The following COLEC12 variants were observed in gnomAD, a reference collection of about 807,000 sequenced individuals.
COLEC12 encodes the protein collectin-12.
In COLEC12, 33 loss-of-function variants were observed where a neutral mutation model predicts 71.1. The observed-to-expected ratio is 0.46, with a 90% confidence interval of 0.35 to 0.62. The LOEUF is 0.62. Among genes scored for constraint, COLEC12 ranks in the 20% least tolerant of loss-of-function variants. COLEC12 has a pLI of 0.00. For synonymous variants in COLEC12, 350 were observed against 353.0 expected (o/e 0.99, Z 0.10); for missense variants, 765 against 916.1 (o/e 0.84, Z 2.13).
chr18:492,832 G>A (rs12607627), intron 1 of COLEC12, among the ~76,000 whole-genome samples: 46,015 of 152,012 alleles, frequency 0.3, 7,500 homozygotes, highest in East Asian at 0.43. Context: ...TTGGACCAAC[G>A]TTTTGAGTTT....
chr18:351,860 AGTAGAGATGGG>A (rs1240516225), intron 3 of COLEC12, among the ~76,000 whole-genome samples: 2 of 152,214 alleles, frequency 1.3e-5, no homozygotes, highest in Non-Finnish European at 2.9e-5. Context: ...TTGTATTTTT[AGTAGAGATGGG>A]GTTTCTCTAT....
rs377608850 is a variant in COLEC12, at chr18:380,917, T to C, written c.59-23395A>G. Among the ~76,000 whole-genome samples, 6 of 152,288 alleles carry C rather than the reference T, an allele frequency of 3.9e-5. No homozygotes were observed. In the East Asian group the frequency reaches 9.6e-4, roughly 24 times the overall value. The stretch of plus-strand genomic sequence containing the variant: ...AGGGTCTTGTGTGGAGCCTCCCACA[T>C]GGTTCTCTTCCAGTTCCCTAGGCAA... On this transcript the variant is annotated intron_variant, in intron 2 of 9. Coordinates refer to ENST00000400256, the MANE Select transcript of COLEC12 (RefSeq NM_130386.3).
chr18:379,723 T>C lies in COLEC12; in HGVS notation c.59-22201A>G, dbSNP rs115276757. 8.0e-3 allele frequency among the ~76,000 whole-genome samples: 1,213 copies of C among 152,266 alleles called. 18 individuals are homozygous for C. Among genetic ancestry groups the C allele is most frequent in the African/African-American group, 0.027 (1,132 of 41,536 alleles). ...TCCCACAGGGGCTTGCAAATCTTCA[T>C]GCATGATGGTTCGGTCGAGAAAGCC... On this transcript the variant is annotated intron_variant, in intron 2 of 9. Transcript: ENST00000400256.
chr18:380,218 C>T (rs1915200884), intron 2 of COLEC12, among the ~76,000 whole-genome samples: 1 of 152,172 alleles, frequency 6.6e-6, no homozygotes. Context: ...TTCCGCATTC[C>T]TCAGTGCAGC....
chr18:322,479 T>C (rs546165367), intron 8 of COLEC12, among the ~76,000 whole-genome samples: 1 of 152,300 alleles, frequency 6.6e-6, no homozygotes, highest in South Asian at 2.1e-4. Flanking sequence ...AAACAAGTTT[T>C]CTTTAGGATG....
intron 2 of COLEC12, among the ~76,000 whole-genome samples, chr18:462,649 C>T (rs1302358341): frequency 3.9e-5 from 6 of 152,144 alleles, no homozygotes; most frequent in Non-Finnish European, 8.8e-5. Context: ...AACTGGTACA[C>T]CTTAAATGGG....
intron 2 of COLEC12, among the ~76,000 whole-genome samples, chr18:420,083 C>T (rs1033961504): frequency 2.0e-5 from 3 of 152,112 alleles, no homozygotes; most frequent in Non-Finnish European, 4.4e-5. Context: ...CCTGGCATGC[C>T]GGCTGAGACC....
chr18:326,900 G>A (rs1329509846), intron 8 of COLEC12, among the ~76,000 whole-genome samples: 1 of 152,204 alleles, frequency 6.6e-6, no homozygotes, highest in African/African-American at 2.4e-5. Flanking sequence ...TGTATCCACA[G>A]TTAGGGTTGC....
At chr18:421,860 T>C (rs1305494105) in intron 2 of COLEC12, among the ~76,000 whole-genome samples, 11 of 152,216 alleles carry the variant, frequency 7.2e-5, no homozygotes, top group Admixed American at 7.2e-4. Flanking sequence ...AGAGTGAGTT[T>C]TATGCATTTG....
chr18:493,231 C>T (rs1005326204), intron 1 of COLEC12, among the ~76,000 whole-genome samples: 1 of 152,162 alleles, frequency 6.6e-6, no homozygotes, highest in Admixed American at 6.5e-5. Context: ...CTCACCACCG[C>T]ACCCATTAAA....
chr18:352,019 C>T (rs533847417), intron 3 of COLEC12, among the ~76,000 whole-genome samples: 15 of 152,184 alleles, frequency 9.9e-5, no homozygotes, highest in Non-Finnish European at 1.8e-4. Context: ...CAAGCAAACA[C>T]GTGTTTCCCA....
At chr18:488,334 C>G (rs913408018) in intron 1 of COLEC12, among the ~76,000 whole-genome samples, 21 of 151,866 alleles carry the variant, frequency 1.4e-4, no homozygotes. Context: ...TCACTTGAAC[C>G]CGGGAGGCGG....
At chr18:321,513 G>A (rs1913704214) in intron 9 of COLEC12, 149 bp downstream of exon 9, 2 of 772,724 alleles carry the variant, frequency 2.6e-6, no homozygotes, top group Non-Finnish European at 4.3e-6. Flanking sequence ...ATTTCCCTGA[G>A]GTTAATCACC....
chr18:347,196 G>C lies in COLEC12; in HGVS notation c.426C>G (p.Ser142Arg). The stretch of plus-strand genomic sequence containing the variant: ...TCTGCCTGTCCACCAGAGCATCCCC[G>C]CTCGCCTGTAACTTCTCCAGCGTAT... ...NKDTLEKLQA[S>R]GDALVDRQSQ... is the part of the protein sequence containing the mutation. Residue 142 changes from serine (S) to arginine (R), a missense_variant, in exon 5 of 10, where the codon AGC becomes AGG. Transcript: ENST00000400256. 6.2e-7 allele frequency: 1 copy of C among 1,614,058 alleles called. No individual in the cohort carries two copies. Among genetic ancestry groups the C allele is most frequent in the Non-Finnish European group, 8.5e-7 (1 of 1,180,022 alleles).
At chr18:451,297 C>T (rs1916755871) in intron 2 of COLEC12, among the ~76,000 whole-genome samples, 1 of 152,100 alleles carries the variant, frequency 6.6e-6, no homozygotes, top group Non-Finnish European at 1.5e-5. Context: ...ACGTTTCCAC[C>T]TAAATGACCT....
At position 408,233 on chromosome 18, in the gene COLEC12, G is replaced by A. The variant is rs552169103; in HGVS notation, c.59-50711C>T. 1.3e-5 allele frequency among the ~76,000 whole-genome samples: 2 copies of A among 152,168 alleles called. No individual in the cohort carries two copies. The highest frequency in any genetic ancestry group is 4.2e-4 in the South Asian group (2 of 4,810). On this transcript the variant is annotated intron_variant, in intron 2 of 9. Transcript: ENST00000400256. This position sits in a 1 kb window ranked among gnomAD's most constrained non-coding sequence, Gnocchi z 4.3. ...ACCCTAAACTCCAGGTTCCTAATTG[G>A]GAAACTAGGTACAATGATACCTGAG...
Position 442,000 on chromosome 18 carries a change from TCTACACACACACAC to T in COLEC12, c.58+38693_58+38706del, listed in dbSNP as rs59131293. 3.9e-3 allele frequency among the ~76,000 whole-genome samples: 459 copies of T among 116,780 alleles called. 2 individuals are homozygous for T. The highest frequency in any genetic ancestry group is 5.1e-3 in the Non-Finnish European group (289 of 56,284). The allele number at this position is 116,780 out of a possible 152,430, so 76.6% of individuals were successfully genotyped here. On this transcript the variant is annotated intron_variant, in intron 2 of 9. Transcript: ENST00000400256. ...GGGTGACAGAGTGAGACTCTCTCTCTCTACACACACACACACACACACACACACACACACACACA... is the reference window on the plus strand; with the variant it reads ...GGGTGACAGAGTGAGACTCTCTCTCTACACACACACACACACACACACACA...
intron 2 of COLEC12, among the ~76,000 whole-genome samples, chr18:479,430 A>C (rs1917368123): frequency 6.6e-6 from 1 of 152,236 alleles, no homozygotes; most frequent in Non-Finnish European, 1.5e-5. Flanking sequence ...ATGCTAAAGC[A>C]ACGCGGGAGG....
intron 2 of COLEC12, among the ~76,000 whole-genome samples, chr18:406,559 G>A (rs184264690): frequency 3.4e-5 from 5 of 149,118 alleles, no homozygotes; most frequent in East Asian, 2.0e-4. Flanking sequence ...AGCAGCTCCC[G>A]GGGCTGCCTT....
Sources: gnomAD v4.1 joint callset for allele counts (sites outside exome capture counted in the v4.1 genomes callset) on GRCh38, gnomAD v4.1.1 for gene constraint, Gnocchi (gnomAD v3.1) non-coding constraint, MANE v1.5 for transcripts, NCBI Gene and HGNC (gene_info 2026-07-23, HGNC 2026-07-21) for gene names.